The following IL1RAPL1 variants were observed in gnomAD, a reference collection of about 807,000 sequenced individuals.
IL1RAPL1 encodes interleukin 1 receptor accessory protein like 1.
IL1RAPL1 carries 3 observed loss-of-function variants against 48.4 expected under a neutral mutation model. That is an observed-to-expected ratio of 0.06 (90% CI 0.03 to 0.16). The LOEUF is 0.16. IL1RAPL1 is among the 10% of genes least tolerant of loss of function. The probability of loss-of-function intolerance (pLI) is 1.00; values close to 1 mark genes in which losing one functional copy is unlikely to be tolerated. For synonymous variants in IL1RAPL1, 185 were observed against 187.7 expected, an observed-to-expected ratio of 0.99 and a Z score of 0.12; for missense variants, 349 against 530.6, an observed-to-expected ratio of 0.66 and a Z score of 3.36.
chrX:29,839,225 TTG>T (rs1931081472), intron 6 of IL1RAPL1, among the ~76,000 whole-genome samples: 2 of 112,134 alleles, frequency 1.8e-5, no homozygotes, highest in Non-Finnish European at 3.8e-5. Flanking sequence ...TCAGGCCCAG[TTG>T]CTGCTCATCT....
chrX:29,362,351 A>C (rs1297297739), intron 3 of IL1RAPL1, among the ~76,000 whole-genome samples: 1 of 112,074 alleles, frequency 8.9e-6, no homozygotes, highest in Non-Finnish European at 1.9e-5. Context: ...TTGTGAATAA[A>C]TGAGTCAATG....
chrX:29,335,345 A>G (rs867807641), intron 3 of IL1RAPL1, among the ~76,000 whole-genome samples: 5 of 51,971 alleles, frequency 9.6e-5, no homozygotes, highest in African/African-American at 1.3e-4. Flanking sequence ...GGGGAGAGGG[A>G]GAGCTATTCT....
At chrX:29,502,485 G>A (rs1363590617) in intron 5 of IL1RAPL1, among the ~76,000 whole-genome samples, 1 of 111,574 alleles carries the variant, frequency 9.0e-6, no homozygotes, top group Non-Finnish European at 1.9e-5. Context: ...TTTGAGGAAT[G>A]TTCCTTCTAT....
chrX:29,430,287 G>C (rs762300442), intron 5 of IL1RAPL1, among the ~76,000 whole-genome samples: 2 of 111,084 alleles, frequency 1.8e-5, no homozygotes, highest in Admixed American at 9.6e-5. Context: ...ACAGAATCTT[G>C]GAGAGCAAGT....
At chrX:29,059,046 ACTTTG>A (rs1359328057) in intron 2 of IL1RAPL1, among the ~76,000 whole-genome samples, 1 of 112,318 alleles carries the variant, frequency 8.9e-6, no homozygotes, top group East Asian at 2.8e-4. Context: ...CAGAGCAGAA[ACTTTG>A]CTTGTGAAGG....
At chrX:28,730,142 G>T (rs1014384255) in intron 1 of IL1RAPL1, among the ~76,000 whole-genome samples, 2 of 111,530 alleles carry the variant, frequency 1.8e-5, no homozygotes, top group South Asian at 7.5e-4. Context: ...TCCATTTGCT[G>T]AAGTTTGTAT....
chrX:29,584,153 C>G (rs1180455447), intron 5 of IL1RAPL1, among the ~76,000 whole-genome samples: 1 of 111,107 alleles, frequency 9.0e-6, no homozygotes, highest in Non-Finnish European at 1.9e-5. Context: ...GCGGTCTTCC[C>G]AGTATGTAAC....
At chrX:29,444,198 C>T (rs1184791248) in intron 5 of IL1RAPL1, among the ~76,000 whole-genome samples, 2 of 109,608 alleles carry the variant, frequency 1.8e-5, no homozygotes, top group Admixed American at 9.7e-5. Flanking sequence ...AAAAATTAGC[C>T]GGATATGGTG....
intron 1 of IL1RAPL1, among the ~76,000 whole-genome samples, chrX:28,706,425 T>C (rs1230413075): frequency 9.0e-6 from 1 of 110,716 alleles, no homozygotes; most frequent in Non-Finnish European, 1.9e-5. Flanking sequence ...CTTTTCTTTT[T>C]TTTTTTTGAG....
intron 5 of IL1RAPL1, among the ~76,000 whole-genome samples, chrX:29,523,392 A>G (rs1406376676): frequency 8.9e-6 from 1 of 111,898 alleles, no homozygotes; most frequent in East Asian, 2.8e-4. Flanking sequence ...TGAAAAATAT[A>G]TGAGAAAGTA....
intron 1 of IL1RAPL1, among the ~76,000 whole-genome samples, chrX:28,712,837 AAG>A (rs1389306089): frequency 9.0e-6 from 1 of 111,247 alleles, no homozygotes; most frequent in Non-Finnish European, 1.9e-5. Context: ...TTTTTAAAAA[AAG>A]AGAATTTTAA....
At chrX:29,210,051 G>A (rs909855743) in intron 2 of IL1RAPL1, among the ~76,000 whole-genome samples, 1 of 112,041 alleles carries the variant, frequency 8.9e-6, no homozygotes, top group Non-Finnish European at 1.9e-5. Context: ...TTTCAAAGTG[G>A]TTCAAATTAA....
intron 8 of IL1RAPL1, among the ~76,000 whole-genome samples, chrX:29,936,788 T>C (rs1441694161): frequency 8.9e-6 from 1 of 111,823 alleles, no homozygotes; most frequent in African/African-American, 3.2e-5. Context: ...TGCAATGTAA[T>C]TCAATATACT....
At chrX:29,157,404 A>G (rs1229001995) in intron 2 of IL1RAPL1, among the ~76,000 whole-genome samples, 2 of 111,988 alleles carry the variant, frequency 1.8e-5, no homozygotes, top group Non-Finnish European at 3.8e-5. Flanking sequence ...TTCAGTAATA[A>G]GGGAAAAAAC....
intron 5 of IL1RAPL1, among the ~76,000 whole-genome samples, chrX:29,515,805 G>A (rs1935439252): frequency 9.0e-6 from 1 of 111,057 alleles, no homozygotes. Context: ...TCCTACCTCA[G>A]CCTCCCATGA....
chrX:29,617,532 T>C (rs1460023126), intron 5 of IL1RAPL1, among the ~76,000 whole-genome samples: 1 of 111,878 alleles, frequency 8.9e-6, no homozygotes, highest in African/African-American at 3.3e-5. Context: ...AGCTATTAAC[T>C]GTCATGCATT....
At chrX:29,221,783 C>T (rs968801008) in intron 2 of IL1RAPL1, among the ~76,000 whole-genome samples, 2 of 110,020 alleles carry the variant, frequency 1.8e-5, no homozygotes, top group East Asian at 2.9e-4. Context: ...GAGGCCGAGG[C>T]GGGCGGATCA....
At chrX:29,815,668 T>C (rs1184753587) in intron 6 of IL1RAPL1, among the ~76,000 whole-genome samples, 1 of 110,855 alleles carries the variant, frequency 9.0e-6, no homozygotes, top group African/African-American at 3.3e-5. Context: ...GTTCTTAGGA[T>C]ATATGCTTCC....
intron 1 of IL1RAPL1, among the ~76,000 whole-genome samples, chrX:28,621,922 G>A (rs946621726): frequency 9.0e-6 from 1 of 111,265 alleles, no homozygotes; most frequent in Admixed American, 9.7e-5. Context: ...TGAGCCACTT[G>A]TATTGTTTAA....
Sources: allele counts gnomAD v4.1 joint callset (sites outside exome capture counted in the v4.1 genomes callset), GRCh38; gene constraint gnomAD v4.1.1; transcripts MANE v1.5; gene names NCBI Gene and HGNC (gene_info 2026-07-23, HGNC 2026-07-21).